Variants in ASH1L observed in about 807,000 individuals in gnomAD.
ASH1L encodes histone-lysine N-methyltransferase ASH1L.
ASH1L carries 23 observed loss-of-function variants against 269.0 expected under a neutral mutation model. The observed-to-expected ratio is 0.09, with a 90% CI of 0.06 to 0.12. ASH1L has a LOEUF of 0.12. Ranked by LOEUF, ASH1L falls within the 10% of genes least tolerant of loss-of-function variation. The pLI is 1.00. For synonymous variants in ASH1L, 1,187 were observed against 1,253.5 expected (o/e 0.95, Z 1.12); for missense variants, 2,912 against 3,567.8 (o/e 0.82, Z 4.68).
intron 1 of ASH1L, among the ~76,000 whole-genome samples, chr1:155,545,207 A>AAAAAAAAT (rs1670720124): frequency 6.9e-6 from 1 of 145,038 alleles, no homozygotes; most frequent in Non-Finnish European, 1.5e-5. Context: ...AAAAAAAAAA[A>AAAAAAAAT]GCTATGTTTT....
intron 2 of ASH1L, among the ~76,000 whole-genome samples, chr1:155,495,671 A>C (rs1029899058): frequency 1.3e-5 from 2 of 152,218 alleles, no homozygotes; most frequent in South Asian, 4.1e-4. Flanking sequence ...CTTAAGCTAC[A>C]TTAAATTTTT....
intron 5 of ASH1L, among the ~76,000 whole-genome samples, chr1:155,421,020 T>G (rs548922456): frequency 6.6e-6 from 1 of 150,422 alleles, no homozygotes; most frequent in African/African-American, 2.4e-5. Flanking sequence ...GAGGATCACT[T>G]GAGCCCAGAG....
chr1:155,559,459 C>CAGG (rs1356670015), intron 1 of ASH1L, among the ~76,000 whole-genome samples: 1 of 148,776 alleles, frequency 6.7e-6, no homozygotes, highest in Non-Finnish European at 1.5e-5. Context: ...CACTTGAACC[C>CAGG]AGGAGGCAGA....
chr1:155,489,115 T>C lies in ASH1L; in HGVS notation c.421-6666A>G, dbSNP rs924006987. Among the ~76,000 whole-genome samples the C allele has an allele frequency of 5.9e-5, 9 of 152,188 alleles. 1 individual carries two copies. On this transcript the variant is annotated intron_variant, in intron 2 of 27. Coordinates refer to ENST00000392403, the MANE Select transcript of ASH1L (RefSeq NM_018489.3). ...GATGTTAAATTCAACAGTTTCACAA[T>C]AGTTCATAATTCATAAAATCAACCA...
Position 155,480,668 on chromosome 1 carries a change from T to C in ASH1L, c.2202A>G (p.Leu734=). ...ARSTCRSPKG[L]ELERSELFKN... Reference sequence around the variant, plus strand: ...TAAAAAGCTCTGATCTTTCTAATTCTAGCCCTTTTGGAGACCGGCATGTGC... The same window carrying C: ...TAAAAAGCTCTGATCTTTCTAATTCCAGCCCTTTTGGAGACCGGCATGTGC... The change falls in exon 3 of 28, where the codon CTA becomes CTG. Residue 734 remains leucine (L), a synonymous_variant. Coordinates refer to ENST00000392403, the MANE Select transcript of ASH1L (RefSeq NM_018489.3). 3.7e-6 allele frequency: 6 copies of C among 1,613,966 alleles called. No homozygotes were observed. Among genetic ancestry groups the C allele is most frequent in the African/African-American group, 2.7e-5 (2 of 75,042 alleles).
intron 2 of ASH1L, among the ~76,000 whole-genome samples, chr1:155,508,318 AAAAAG>A (rs1409067978): frequency 6.6e-6 from 1 of 152,218 alleles, no homozygotes; most frequent in African/African-American, 2.4e-5. Context: ...CTTGGGAGGA[AAAAAG>A]AAAACAGGAA....
chr1:155,348,239 C>T (rs1162808461), intron 19 of ASH1L, among the ~76,000 whole-genome samples: 1 of 152,060 alleles, frequency 6.6e-6, no homozygotes, highest in Non-Finnish European at 1.5e-5. Flanking sequence ...TCAACATACA[C>T]CTTTGTCTTG....
rs763767783 is a variant in ASH1L at position 155,438,824 on chromosome 1, A to C, written c.5331T>G (p.Asn1777Lys). 6.2e-7 allele frequency: 1 copy of C among 1,614,190 alleles called. No individual in the cohort carries two copies. Among genetic ancestry groups the C allele is most frequent in the Middle Eastern group, 1.6e-4 (1 of 6,062 alleles). The change falls in exon 5 of 28, where the codon AAT becomes AAG. Residue 1777 changes from asparagine (N) to lysine (K), a missense_variant. Around this residue, in one of 13 missense-constraint regions of ASH1L, gnomAD observed 789 missense variants for 897.6 expected, o/e 0.88. Transcript: ENST00000392403. ...VPAVTSDSCNNSISLLSEKLT... is the reference protein window; with the variant it reads ...VPAVTSDSCNKSISLLSEKLT... ...ACTTTTCAGATAGGAGTGAGATGCT[A>C]TTATTGCAAGAGTCACTTGTGACTG... is the stretch of plus-strand genomic sequence containing the variant.
In ASH1L at chr1:155,562,488, G is replaced by A. The variant is rs1253488857; in HGVS notation, c.-435C>T. 8.1e-6 allele frequency: 12 copies of A among 1,477,636 alleles called. No homozygotes were observed. The highest frequency in any genetic ancestry group is 1.2e-5 in the South Asian group (1 of 82,684). The allele number at this position is 1,477,636 out of a possible 1,614,324, so 91.5% of individuals were successfully genotyped here. On this transcript the variant is annotated 5_prime_UTR_variant, in exon 1 of 28. Transcript: ENST00000392403. ...GGTGGCGGCGGCAGCTCCTCCAGAGGGAGGGAGCGAAGGGCGCCTAGCGCC... is the reference window on the plus strand; with the variant it reads ...GGTGGCGGCGGCAGCTCCTCCAGAGAGAGGGAGCGAAGGGCGCCTAGCGCC...
chr1:155,377,767 G>A (rs762473713), intron 10 of ASH1L, among the ~76,000 whole-genome samples: 1 of 152,214 alleles, frequency 6.6e-6, no homozygotes, highest in Non-Finnish European at 1.5e-5. Context: ...GCTCACGCCT[G>A]TAATCCCAGC....
At chr1:155,383,059 G>GA (rs1657122073) in intron 7 of ASH1L, among the ~76,000 whole-genome samples, 2 of 152,212 alleles carry the variant, frequency 1.3e-5, no homozygotes, top group African/African-American at 4.8e-5. Flanking sequence ...TTAAAAAGAA[G>GA]AAAAAATGTT....
rs1309109212 is a variant in ASH1L at position 155,394,900 on chromosome 1, T to C, written c.6103+559A>G. Among the ~76,000 whole-genome samples the C allele has an allele frequency of 3.3e-5, 5 of 152,188 alleles. No individual in the cohort carries two copies. The East Asian group carries it at 9.6e-4, about 29-fold the overall frequency. ...ACTACTTGGTTTTTCCTAGGTGACATACCTATGGAAACAAAAGGTACAGAC... is the reference window on the plus strand; with the variant it reads ...ACTACTTGGTTTTTCCTAGGTGACACACCTATGGAAACAAAAGGTACAGAC... On this transcript the variant is annotated intron_variant, in intron 7 of 27. Coordinates refer to ENST00000392403, the MANE Select transcript of ASH1L (RefSeq NM_018489.3).
rs1374709353 is a variant in ASH1L, at chr1:155,349,339, A to G, written c.7542T>C (p.Phe2514=). The change falls in exon 19 of 28, where the codon TTT becomes TTC. Residue 2514 remains phenylalanine, a synonymous_variant. Coordinates refer to ENST00000392403, the MANE Select transcript of ASH1L (RefSeq NM_018489.3). ...EAFDADMLKV[F]RNAEKYYGRK... ...CAGTGAAAAATACCTCAGCATTCCG[A>G]AAGACTTTGAGCATGTCAGCATCAA... 1.2e-6 allele frequency: 2 copies of G among 1,612,516 alleles called. No homozygotes were observed. The highest frequency in any genetic ancestry group is 8.5e-7 in the Non-Finnish European group (1 of 1,178,936).
At chr1:155,470,075 A>T (rs555487338) in intron 3 of ASH1L, among the ~76,000 whole-genome samples, 1 of 152,284 alleles carries the variant, frequency 6.6e-6, no homozygotes, top group East Asian at 1.9e-4. Flanking sequence ...CTTCGCTGCT[A>T]AATTCAAAAC....
chr1:155,424,621 G>A (rs768851425), intron 5 of ASH1L, among the ~76,000 whole-genome samples: 53 of 151,992 alleles, frequency 3.5e-4, no homozygotes, highest in Non-Finnish European at 6.8e-4. Flanking sequence ...TGGTCAGGTT[G>A]GTCTCCAACT....
rs547093940 is a variant in ASH1L, at chr1:155,377,837, C to T, written c.6332+444G>A. ...CAGATTGAGATCATCCTGGCTAATA[C>T]GGTGAAATCCCATCTCTACTAAAAA... On this transcript the variant is annotated intron_variant, in intron 10 of 27. Transcript: ENST00000392403. Among the ~76,000 whole-genome samples, 7 of 152,000 alleles carry T rather than the reference C, an allele frequency of 4.6e-5. No individual in the cohort carries two copies. The South Asian group carries it at 6.2e-4, about 14-fold the overall frequency.
intron 4 of ASH1L, among the ~76,000 whole-genome samples, chr1:155,442,684 C>A (rs1662697247): frequency 6.7e-6 from 1 of 150,050 alleles, no homozygotes; most frequent in Non-Finnish European, 1.5e-5. Flanking sequence ...CCACATAAAA[C>A]AACTTCAAAA....
chr1:155,362,982 A>T (rs1298630893), intron 12 of ASH1L, among the ~76,000 whole-genome samples: 1 of 151,976 alleles, frequency 6.6e-6, no homozygotes, highest in Non-Finnish European at 1.5e-5. Flanking sequence ...AAAAATTTTT[A>T]TTTATTTATT....
At chr1:155,359,542 C>T (rs922690947) in intron 13 of ASH1L, among the ~76,000 whole-genome samples, 4 of 151,824 alleles carry the variant, frequency 2.6e-5, no homozygotes, top group East Asian at 1.9e-4. Context: ...CCCAAAGTGC[C>T]GGGATTACAG....
Sources: allele counts gnomAD v4.1 joint callset (sites outside exome capture counted in the v4.1 genomes callset), GRCh38; gene constraint gnomAD v4.1.1; regional missense constraint gnomAD v4.1.1; transcripts MANE v1.5; gene names NCBI Gene and HGNC (gene_info 2026-07-23, HGNC 2026-07-21).